ARHGEF10L: variants seen among roughly 807,000 people sequenced by gnomAD.
ARHGEF10L encodes Rho guanine nucleotide exchange factor 10 like.
ARHGEF10L carries 69 observed loss-of-function variants against 141.2 expected under a neutral mutation model. The ratio of observed to expected loss-of-function variants is 0.49; its 90% CI spans 0.40 to 0.60. The LOEUF (loss-of-function observed/expected upper bound fraction) is 0.60. Ranked by LOEUF, ARHGEF10L falls within the 20% of genes least tolerant of loss-of-function variation. The pLI is 0.00. For synonymous variants in ARHGEF10L, 711 were observed against 718.5 expected (o/e 0.99, Z 0.17); for missense variants, 1,482 against 1,734.3 (o/e 0.85, Z 2.58).
At chr1:17,584,123 C>A (rs184030374) in intron 2 of ARHGEF10L, among the ~76,000 whole-genome samples, 136 of 152,268 alleles carry the variant, frequency 8.9e-4, no homozygotes, top group African/African-American at 3.1e-3. Context: ...TGGCTCAGTG[C>A]AGCCTTGAAC....
rs755191941 is a variant in ARHGEF10L at position 17,602,127 on chromosome 1, G to T, written c.258G>T (p.Gly86=). ...CTGCAGTGCCATCTCTTGCCCGCAGGGTGCCAGCCTGGGTGAGCAATGGGG... is the reference window on the plus strand; with the variant it reads ...CTGCAGTGCCATCTCTTGCCCGCAGTGTGCCAGCCTGGGTGAGCAATGGGG... The part of the protein sequence containing the change: ...PDPAAAPPGT[G]VPAWVSNGDA... Residue 86 remains glycine (G), a splice_region_variant and synonymous_variant, in exon 5 of 29, where the codon GGG becomes GGT. Transcript: ENST00000361221. 2.6e-6 allele frequency: 4 copies of T among 1,564,186 alleles called. No individual in the cohort carries two copies. The East Asian group carries it at 7.1e-5, about 28-fold the overall frequency.
In ARHGEF10L at chr1:17,656,494, G is replaced by C; in HGVS notation, c.2706-60G>C. 6.4e-7 allele frequency: 1 copy of C among 1,561,666 alleles called. No individual in the cohort carries two copies. Among genetic ancestry groups the C allele is most frequent in the Non-Finnish European group, 8.7e-7 (1 of 1,147,512 alleles). On this transcript the variant is annotated intron_variant, in intron 24 of 28. Transcript: ENST00000361221. The surrounding 1 kb of genome is among the most constrained non-coding windows in gnomAD (Gnocchi z 4.9). ...GCCCTCTCCCTAGGAGGGCATGGGG[G>C]CAGTGAGTGGGTGGGAGTGCTCAGT...
intron 26 of ARHGEF10L, among the ~76,000 whole-genome samples, chr1:17,675,968 G>A (rs775564196): frequency 7.9e-5 from 12 of 150,948 alleles, no homozygotes; most frequent in Non-Finnish European, 1.6e-4. Context: ...ACAGGTGTGT[G>A]TGCAAGTGTG....
intron 20 of ARHGEF10L, among the ~76,000 whole-genome samples, chr1:17,638,953 ACT>A (rs1400787349): frequency 6.6e-6 from 1 of 152,078 alleles, no homozygotes; most frequent in Non-Finnish European, 1.5e-5. Flanking sequence ...ATACTCAGAC[ACT>A]CTGCCATTGG....
intron 1 of ARHGEF10L, among the ~76,000 whole-genome samples, chr1:17,577,855 G>A (rs1192677076): frequency 1.3e-5 from 2 of 152,196 alleles, no homozygotes; most frequent in African/African-American, 2.4e-5. Flanking sequence ...GGTGTTACGA[G>A]AATTAGATAG....
chr1:17,675,787 TGTTC>T (rs1164635379), intron 26 of ARHGEF10L, among the ~76,000 whole-genome samples: 3 of 144,494 alleles, frequency 2.1e-5, no homozygotes, highest in African/African-American at 2.6e-5. Context: ...GGTGCAGGTG[TGTTC>T]AGGTGTAGGT....
At position 17,648,640 on chromosome 1, in the gene ARHGEF10L, A is replaced by G. The variant is rs2061732252; in HGVS notation, c.2359A>G (p.Ile787Val). 2 of 1,612,950 alleles carry G rather than the reference A, an allele frequency of 1.2e-6. No individual in the cohort carries two copies. The highest frequency in any genetic ancestry group is 2.7e-5 in the African/African-American group (2 of 74,904). The change falls in exon 22 of 29, where the codon ATC (isoleucine) becomes GTC (valine). Residue 787 changes from isoleucine to valine, a missense_variant. Ile to Val is a conservative substitution (Grantham distance 29). Around this residue, in one of 3 missense-constraint regions of ARHGEF10L, gnomAD observed 858 missense variants for 966.3 expected, o/e 0.89. Transcript: ENST00000361221. ...PFWCPILACCIPAFSSRALSL... is the reference protein window; with the variant it reads ...PFWCPILACCVPAFSSRALSL... ...CTGGTGCCCGATCCTGGCCTGCTGC[A>G]TCCCTGCCTTCTCCTCCCGGGCACT...
chr1:17,528,542 C>T, the ARHGEF10L span, among the ~76,000 whole-genome samples: 1 of 151,934 alleles, frequency 6.6e-6, no homozygotes, highest in Admixed American at 6.6e-5. Context: ...TTCATCCATC[C>T]ACCCATCCAT....
rs897886461 is a variant in ARHGEF10L, at chr1:17,619,642, G to T, written c.942+197G>T. Among the ~76,000 whole-genome samples, 1 of 152,146 alleles carries T rather than the reference G, an allele frequency of 6.6e-6. No homozygotes were observed. The highest frequency in any genetic ancestry group is 1.5e-5 in the Non-Finnish European group (1 of 68,018). On this transcript the variant is annotated intron_variant, in intron 10 of 28. Transcript: ENST00000361221. This position sits in a 1 kb window ranked among gnomAD's most constrained non-coding sequence, Gnocchi z 5.0. ...GAACAGGCTTTCCACTTTCTACCCC[G>T]TGTGCTCTGTGCTGTTGGTTTTGGG... is the stretch of plus-strand genomic sequence containing the variant.
intron 4 of ARHGEF10L, among the ~76,000 whole-genome samples, chr1:17,597,730 T>C (rs2080250478): frequency 6.6e-6 from 1 of 152,170 alleles, no homozygotes; most frequent in South Asian, 2.1e-4. Flanking sequence ...AAGTGACCTC[T>C]CTATGCTGTG....
At chr1:17,678,472 T>C (rs2063865920) in intron 26 of ARHGEF10L, among the ~76,000 whole-genome samples, 1 of 146,640 alleles carries the variant, frequency 6.8e-6, no homozygotes, top group Admixed American at 7.1e-5. Context: ...CAGGCTAGAG[T>C]GCAATGGCGT....
At chr1:17,519,031 T>C in the ARHGEF10L span, among the ~76,000 whole-genome samples, 1 of 150,620 alleles carries the variant, frequency 6.6e-6, no homozygotes, top group African/African-American at 2.4e-5. Flanking sequence ...CAAAATTAGC[T>C]GGGTCGGGTG....
In ARHGEF10L at chr1:17,621,961, T is replaced by A; in HGVS notation, c.1020+20T>A. ...CTCCAGGTGCGACTTCAGGGAGTTC[T>A]CAAGGGTCTCTGGGGAGAAGCAGGG... On this transcript the variant is annotated intron_variant, in intron 11 of 28. Coordinates refer to ENST00000361221, the MANE Select transcript of ARHGEF10L (RefSeq NM_018125.4). The surrounding 1 kb of genome is among the most constrained non-coding windows in gnomAD (Gnocchi z 4.1). The A allele has an allele frequency of 6.2e-7, 1 of 1,613,774 alleles. No individual in the cohort carries two copies. Among genetic ancestry groups the A allele is most frequent in the South Asian group, 1.1e-5 (1 of 91,068 alleles).
intron 15 of ARHGEF10L, among the ~76,000 whole-genome samples, chr1:17,630,360 C>A (rs560770633): frequency 6.6e-6 from 1 of 152,258 alleles, no homozygotes; most frequent in Non-Finnish European, 1.5e-5. Context: ...CCAGAGCCCA[C>A]GGGACTTTCC....
At position 17,664,520 on chromosome 1, in the gene ARHGEF10L, G is replaced by A. The variant is rs767480143; in HGVS notation, c.2934G>A (p.Leu978=). ...TVGPGPVRTL[L]SLEDAVWASC... Reference sequence around the variant, plus strand: ...GGCCCGGGCCTGTCCGCACCCTGTTGAGCCTGGAGGATGCCGTGTGGGCCA... The same window carrying A: ...GGCCCGGGCCTGTCCGCACCCTGTTAAGCCTGGAGGATGCCGTGTGGGCCA... The change falls in exon 26 of 29, where the codon TTG becomes TTA. Residue 978 remains leucine (L), a synonymous_variant. Coordinates refer to ENST00000361221, the MANE Select transcript of ARHGEF10L (RefSeq NM_018125.4). 1.2e-6 allele frequency: 2 copies of A among 1,608,314 alleles called. No individual in the cohort carries two copies. The highest frequency in any genetic ancestry group is 1.3e-5 in the African/African-American group (1 of 74,818).
chr1:17,619,584 A>T lies in ARHGEF10L; in HGVS notation c.942+139A>T, dbSNP rs918080519. The T allele has an allele frequency of 1.1e-5, 7 of 658,226 alleles. No homozygotes were observed. The highest frequency in any genetic ancestry group is 1.8e-5 in the Non-Finnish European group (7 of 392,126). 40.8% of individuals were successfully genotyped at this position (658,226 alleles called of 1,614,324 possible). ...GGGGCTCTTGGCAGAGCCCAGCTGG[A>T]TAGGGGCCTCCTAGGTTCTCTCCTC... is the stretch of plus-strand genomic sequence containing the variant. On this transcript the variant is annotated intron_variant, in intron 10 of 28. Transcript: ENST00000361221. This position sits in a 1 kb window ranked among gnomAD's most constrained non-coding sequence, Gnocchi z 5.0.
At chr1:17,612,558 T>C (rs1183853646) in intron 7 of ARHGEF10L, among the ~76,000 whole-genome samples, 1 of 152,196 alleles carries the variant, frequency 6.6e-6, no homozygotes, top group Non-Finnish European at 1.5e-5. Context: ...ACTCTTCTTC[T>C]ACCCTTCCAT....
intron 21 of ARHGEF10L, among the ~76,000 whole-genome samples, chr1:17,643,357 C>T (rs1490233498): frequency 1.3e-5 from 2 of 152,182 alleles, no homozygotes; most frequent in East Asian, 3.9e-4. Context: ...GGGATCAGCT[C>T]TGCCCCTTGG....
intron 1 of ARHGEF10L, among the ~76,000 whole-genome samples, chr1:17,547,606 G>A (rs1192449165): frequency 6.6e-6 from 1 of 152,068 alleles, no homozygotes; most frequent in African/African-American, 2.4e-5. Context: ...GAAAAACAAT[G>A]GTTAAATTAA....
Sources: gnomAD v4.1 joint callset for allele counts (sites outside exome capture counted in the v4.1 genomes callset) on GRCh38, gnomAD v4.1.1 for gene constraint, gnomAD v4.1.1 regional missense constraint, Gnocchi (gnomAD v3.1) non-coding constraint, MANE v1.5 for transcripts, NCBI Gene and HGNC (gene_info 2026-07-23, HGNC 2026-07-21) for gene names.